The following FRY variants were observed in gnomAD, a reference collection of about 807,000 sequenced individuals.
FRY encodes FRY microtubule binding protein.
Under a neutral mutation model 348.4 loss-of-function variants are expected in FRY, and 128 were observed. The ratio of observed to expected loss-of-function variants is 0.37; its 90% CI spans 0.32 to 0.43. The LOEUF (loss-of-function observed/expected upper bound fraction) is 0.43. Among genes scored for constraint, FRY ranks in the 20% least tolerant of loss-of-function variants. The pLI is 1.00. For missense variants in FRY, 2,736 were observed against 3,695.2 expected, an observed-to-expected ratio of 0.74 and a Z score of 6.73; for synonymous variants, 1,370 against 1,374.7, an observed-to-expected ratio of 1.00 and a Z score of 0.08.
chr13:32,274,703 C>CAA lies in FRY; in HGVS notation c.8137-114_8137-113dup, dbSNP rs397723164. 1,814 of 305,412 alleles carry CAA rather than the reference C, an allele frequency of 5.9e-3. 16 individuals carry two copies. The highest frequency in any genetic ancestry group is 0.015 in the African/African-American group (323 of 21,858). The allele number at this position is 305,412 out of a possible 1,614,324, so 18.9% of individuals were successfully genotyped here. A position where few individuals can be genotyped will look rare whatever the true frequency, so the allele number is the denominator to read the frequency against. On this transcript the variant is annotated intron_variant, in intron 55 of 60. Transcript: ENST00000542859. ...TGGGCGACAGAGCGAGATTCTGTCT[C>CAA]AAAAAAAAAAAAAAAAAAAAAAAAA...
At chr13:32,085,422 A>G (rs1189954925) in intron 2 of FRY, among the ~76,000 whole-genome samples, 1 of 152,214 alleles carries the variant, frequency 6.6e-6, no homozygotes, top group Non-Finnish European at 1.5e-5. Context: ...GATCAAATGG[A>G]CAAAAGAGAT....
At chr13:32,153,899 G>A (rs1390132925) in intron 14 of FRY, among the ~76,000 whole-genome samples, 2 of 152,140 alleles carry the variant, frequency 1.3e-5, no homozygotes, top group East Asian at 3.8e-4. Context: ...AAAAGGGAGA[G>A]TTGTGATGAA....
rs1462158786 is a variant in FRY at position 32,088,511 on chromosome 13, G to T, written c.270+9478G>T. ...ACATAGCATTGTTAGTAGCTAAAAA[G>T]ATTCAATTTAACTGCTGAATGAGGT... is the stretch of plus-strand genomic sequence containing the variant. On this transcript the variant is annotated intron_variant, in intron 2 of 60. Transcript: ENST00000542859. Among the ~76,000 whole-genome samples the T allele has an allele frequency of 2.0e-5, 3 of 152,190 alleles. No individual in the cohort carries two copies. In the East Asian group the frequency reaches 5.8e-4, roughly 29 times the overall value.
intron 1 of FRY, among the ~76,000 whole-genome samples, chr13:32,033,251 T>C (rs770870953): frequency 8.5e-5 from 13 of 152,226 alleles, no homozygotes; most frequent in Non-Finnish European, 1.9e-4. Context: ...TCTTCCTTTG[T>C]CTATCTGCTC....
chr13:32,163,097 A>G (rs999761620), intron 17 of FRY, among the ~76,000 whole-genome samples: 6 of 152,178 alleles, frequency 3.9e-5, no homozygotes, highest in African/African-American at 7.2e-5. Flanking sequence ...GAATAAAGAA[A>G]AGCTGTGAGA....
chr13:32,239,174 T>A lies in FRY; in HGVS notation c.6419-78T>A. 1.1e-6 allele frequency: 1 copy of A among 914,578 alleles called. No individual in the cohort carries two copies. Among genetic ancestry groups the A allele is most frequent in the South Asian group, 1.3e-5 (1 of 77,102 alleles). 56.7% of individuals were successfully genotyped at this position (914,578 alleles called of 1,614,324 possible). ...CTTTTGCATCACCTCAGTATAAAAA[T>A]CTGTAACATGCCTTCCCACTGTTAA... On this transcript the variant is annotated intron_variant, in intron 44 of 60. Coordinates refer to ENST00000542859, the MANE Select transcript of FRY (RefSeq NM_023037.3). The surrounding 1 kb of genome is among the most constrained non-coding windows in gnomAD (Gnocchi z 4.3).
intron 51 of FRY, 62 bp downstream of exon 51, chr13:32,254,456 CT>C: frequency 1.5e-6 from 2 of 1,363,100 alleles, no homozygotes; most frequent in Non-Finnish European, 2.1e-6. Context: ...TGAAACTATT[CT>C]TTTTACCTGC....
chr13:32,187,816 T>TA (rs1227028997), intron 28 of FRY, among the ~76,000 whole-genome samples, 160 bp downstream of exon 28: 1 of 152,088 alleles, frequency 6.6e-6, no homozygotes, highest in African/African-American at 2.4e-5. Context: ...TACATCAAGA[T>TA]AAAAAAGATA....
intron 1 of FRY, among the ~76,000 whole-genome samples, chr13:32,071,087 C>A (rs1002244516): frequency 1.3e-5 from 2 of 152,106 alleles, no homozygotes; most frequent in Admixed American, 1.3e-4. Flanking sequence ...ATTTTGGTAC[C>A]AGTACCATGC....
At chr13:32,095,885 C>T (rs540266945) in intron 2 of FRY, among the ~76,000 whole-genome samples, 2 of 152,258 alleles carry the variant, frequency 1.3e-5, no homozygotes, top group East Asian at 3.9e-4. Context: ...TGAGCTGGAG[C>T]AAGTTTGCCT....
chr13:32,194,321 T>C (rs1385103457), intron 29 of FRY, 24 bp downstream of exon 29: 2 of 1,609,146 alleles, frequency 1.2e-6, no homozygotes, highest in East Asian at 2.2e-5. Context: ...TAAGCAGTGA[T>C]GAGTGGCAAG....
At position 32,275,000 on chromosome 13, in the gene FRY, C is replaced by G; in HGVS notation, c.8286+9C>G. The G allele has an allele frequency of 6.2e-7, 1 of 1,611,802 alleles. No homozygotes were observed. The highest frequency in any genetic ancestry group is 8.5e-7 in the Non-Finnish European group (1 of 1,177,996). On this transcript the variant is annotated intron_variant, in intron 56 of 60. Transcript: ENST00000542859. ...TTGTGGATGCCGAGACTGTGAGTAT[C>G]CCAGTCCTGCTCTGACAGTGAAGGG...
intron 3 of FRY, among the ~76,000 whole-genome samples, chr13:32,110,415 A>G (rs1021041222): frequency 6.6e-6 from 1 of 152,186 alleles, no homozygotes; most frequent in Non-Finnish European, 1.5e-5. Flanking sequence ...AACAACAAAG[A>G]ACTACTCATC....
intron 27 of FRY, 143 bp downstream of exon 27, chr13:32,186,563 A>G: frequency 3.0e-6 from 2 of 675,610 alleles, no homozygotes; most frequent in Non-Finnish European, 5.3e-6. Flanking sequence ...AAAAAATCAC[A>G]TGGACACACA....
chr13:32,142,139 C>CAGA (rs958641853), intron 11 of FRY, among the ~76,000 whole-genome samples: 1 of 152,050 alleles, frequency 6.6e-6, no homozygotes, highest in Non-Finnish European at 1.5e-5. Context: ...AATACAAAGA[C>CAGA]AGAAGAAGAA....
chr13:32,268,486 TAAAAAAAA>T lies in FRY; in HGVS notation c.8136+1140_8136+1147del, dbSNP rs1163691921. On this transcript the variant is annotated intron_variant, in intron 55 of 60. Transcript: ENST00000542859. ...ATTATAGTTAAAGAGAAAGCTAGTT[TAAAAAAAA>T]AAAAAAAAAAAATATATATATATAT... Among the ~76,000 whole-genome samples, 244 of 60,912 alleles carry T rather than the reference TAAAAAAAA, an allele frequency of 4.0e-3. 2 individuals are homozygous for T. The highest frequency in any genetic ancestry group is 0.013 in the African/African-American group (218 of 17,106). The allele number at this position is 60,912 out of a possible 152,430, so 40.0% of individuals were successfully genotyped here. A position where few individuals can be genotyped will look rare whatever the true frequency, so the allele number is the denominator to read the frequency against.
intron 3 of FRY, among the ~76,000 whole-genome samples, chr13:32,108,130 AG>A (rs1877695281): frequency 6.6e-6 from 1 of 152,230 alleles, no homozygotes; most frequent in East Asian, 1.9e-4. Flanking sequence ...GATCTGGAAG[AG>A]GGTCAGGCAG....
intron 3 of FRY, among the ~76,000 whole-genome samples, chr13:32,111,735 T>C (rs954736765): frequency 3.3e-5 from 5 of 152,204 alleles, no homozygotes; most frequent in African/African-American, 1.2e-4. Context: ...TGTCCATTTG[T>C]CACAACCCAC....
At chr13:32,271,912 A>G (rs1165707000) in intron 55 of FRY, among the ~76,000 whole-genome samples, 5 of 152,220 alleles carry the variant, frequency 3.3e-5, no homozygotes, top group East Asian at 1.9e-4. Flanking sequence ...AGGTGGGGCC[A>G]GGCATGGGCC....
Sources: allele counts gnomAD v4.1 joint callset (sites outside exome capture counted in the v4.1 genomes callset), GRCh38; gene constraint gnomAD v4.1.1; non-coding constraint Gnocchi (gnomAD v3.1); transcripts MANE v1.5; gene names NCBI Gene and HGNC (gene_info 2026-07-23, HGNC 2026-07-21).